Variants in SLC25A29 observed in about 807,000 individuals in gnomAD.
The protein encoded by SLC25A29 is mitochondrial basic amino acids transporter.
A neutral mutation model predicts 10.0 loss-of-function variants in SLC25A29; 13 were observed. The ratio of observed to expected loss-of-function variants is 1.30; its 90% CI spans 0.85 to 2.07. The LOEUF (loss-of-function observed/expected upper bound fraction) is 2.07, where lower values mean the gene tolerates loss of function less well. Ranked by LOEUF, SLC25A29 falls within the 30% of genes most tolerant of loss-of-function variation. The pLI, the probability that SLC25A29 is intolerant of heterozygous loss-of-function variation, is 0.00. For synonymous variants in SLC25A29, 244 were observed against 221.1 expected, an observed-to-expected ratio of 1.10 and a Z score of -0.92; for missense variants, 475 against 447.6, an observed-to-expected ratio of 1.06 and a Z score of -0.55.
chr14:100,283,770 C>T, the SLC25A29 span, among the ~76,000 whole-genome samples: 1 of 152,120 alleles, frequency 6.6e-6, no homozygotes, highest in East Asian at 1.9e-4. Context: ...CGTGAACCAC[C>T]GTGCCTGGCC....
At chr14:100,286,750 A>C (rs370810330), downstream of SLC25A29, among the ~76,000 whole-genome samples, 21 of 152,290 alleles carry the variant, frequency 1.4e-4, no homozygotes, top group African/African-American at 4.3e-4. Flanking sequence ...GGTGTGTAAG[A>C]AGCAGCAAGG....
the SLC25A29 span, chr14:100,281,532 T>C: frequency 6.6e-6 from 1 of 152,336 alleles, no homozygotes. Context: ...TCCTGGCAAG[T>C]GCATTCCACC....
downstream of SLC25A29, among the ~76,000 whole-genome samples, chr14:100,286,478 G>A (rs1165032013): frequency 6.7e-6 from 1 of 149,404 alleles, no homozygotes; most frequent in African/African-American, 2.4e-5. Flanking sequence ...GCTGGGGGGG[G>A]GGGTGTTGCT....
At chr14:100,286,990 C>T (rs1467630255), downstream of SLC25A29, among the ~76,000 whole-genome samples, 1 of 152,254 alleles carries the variant, frequency 6.6e-6, no homozygotes, top group African/African-American at 2.4e-5. Flanking sequence ...CAGCACCGAC[C>T]TTGTATGGCT....
At chr14:100,305,965 G>C (rs1238220908) in intron 1 of SLC25A29, among the ~76,000 whole-genome samples, 1 of 152,156 alleles carries the variant, frequency 6.6e-6, no homozygotes, top group East Asian at 1.9e-4. Context: ...CGGCGCCCCA[G>C]ACCTCCCGTC....
the SLC25A29 span, among the ~76,000 whole-genome samples, chr14:100,285,516 A>G: frequency 6.6e-6 from 1 of 151,150 alleles, no homozygotes; most frequent in Non-Finnish European, 1.5e-5. Flanking sequence ...CCTCGCGGGG[A>G]CCCGAGGCGC....
At chr14:100,302,019 A>G (rs1892590691) in intron 1 of SLC25A29, among the ~76,000 whole-genome samples, 2 of 149,616 alleles carry the variant, frequency 1.3e-5, no homozygotes, top group South Asian at 2.1e-4. Context: ...TGGGGTCTCT[A>G]CTCATCAACT....
rs1036391089 is a variant in SLC25A29, at chr14:100,291,303, C to T, written c.*980G>A. The T allele has an allele frequency of 2.6e-5, 4 of 152,292 alleles. No homozygotes were observed. The allele number at this position is 152,292 out of a possible 1,614,324, so 9.4% of individuals were successfully genotyped here. A position where few individuals can be genotyped will look rare whatever the true frequency, so the allele number is the denominator to read the frequency against. ...CCCTGTGCCTTCACAGGGATGAAGC[C>T]CTGGCACTGAGAATGCCTGGGAGGC... On this transcript the variant is annotated 3_prime_UTR_variant, in exon 4 of 4. Transcript: ENST00000359232.
chr14:100,294,690 G>A (rs1317260159), intron 2 of SLC25A29: 1 of 152,234 alleles, frequency 6.6e-6, no homozygotes, highest in Non-Finnish European at 1.5e-5. Context: ...TAGCAAGGGA[G>A]AGCCCTCACC....
chr14:100,299,816 G>A (rs1892421770), intron 1 of SLC25A29: 1 of 985,260 alleles, frequency 1.0e-6, no homozygotes, highest in Non-Finnish European at 1.2e-6. Flanking sequence ...TCCCTTTACT[G>A]CCAGTAGCGT....
chr14:100,293,221 C>G (rs112194486), intron 3 of SLC25A29, 73 bp downstream of exon 3: 1 of 1,551,766 alleles, frequency 6.4e-7, no homozygotes, highest in South Asian at 1.2e-5. Flanking sequence ...GCTCTCTGGT[C>G]TGGGGTGGTG....
At position 100,292,559 on chromosome 14, in the gene SLC25A29, C is replaced by T; in HGVS notation, c.636G>A (p.Val212=). 1 of 1,601,814 alleles carries T rather than the reference C, an allele frequency of 6.2e-7. No individual in the cohort carries two copies. The highest frequency in any genetic ancestry group is 8.5e-7 in the Non-Finnish European group (1 of 1,175,110). The change falls in exon 4 of 4, where the codon GTG becomes GTA. Residue 212 remains valine (V), a synonymous_variant. Transcript: ENST00000359232. ...VSWLSTYPVD[V]VKSRLQADGL... ...CGTCCGCCTGCAGCCGCGACTTGAC[C>T]ACGTCCACAGGATAGGTAGAGAGCC...
chr14:100,302,170 C>T (rs1203525314), intron 1 of SLC25A29, among the ~76,000 whole-genome samples: 1 of 151,850 alleles, frequency 6.6e-6, no homozygotes, highest in African/African-American at 2.4e-5. Context: ...TTCAGCCTCC[C>T]GAATAGCTGG....
rs1158932834 is a variant in SLC25A29 at position 100,292,423 on chromosome 14, C to T, written c.772G>A (p.Ala258Thr). The T allele has an allele frequency of 3.8e-6, 6 of 1,577,632 alleles. No individual in the cohort carries two copies. Among genetic ancestry groups the T allele is most frequent in the South Asian group, 1.2e-5 (1 of 86,886 alleles). The change falls in exon 4 of 4, where the codon GCC (alanine) becomes ACC (threonine). Residue 258 changes from alanine (A) to threonine (T), a missense_variant. Ala to Thr is a moderately conservative substitution (Grantham distance 58). Transcript: ENST00000359232. ...AAGGTGGCAGCGTTGACGGGGAAGG[C>T]GCGCAGCAGCGTGGACGCCAGCCCC... is the stretch of plus-strand genomic sequence containing the variant. ...TRGLASTLLR[A>T]FPVNAATFAT...
At chr14:100,296,119 G>T in intron 2 of SLC25A29, 1 of 983,324 alleles carries the variant, frequency 1.0e-6, no homozygotes, top group African/African-American at 1.7e-5. Context: ...ATTCAACCAG[G>T]CAAAAGGGAC....
chr14:100,302,335 C>T (rs1892616124), intron 1 of SLC25A29, among the ~76,000 whole-genome samples: 2 of 151,210 alleles, frequency 1.3e-5, no homozygotes, highest in African/African-American at 4.9e-5. Context: ...CTTGAGCCAC[C>T]AAGCTCGGCC....
downstream of SLC25A29, among the ~76,000 whole-genome samples, chr14:100,288,615 G>A (rs1027914811): frequency 8.6e-5 from 5 of 58,172 alleles, no homozygotes; most frequent in Non-Finnish European, 1.6e-4. Flanking sequence ...CTTCCACCTC[G>A]GGACCTTGGC....
chr14:100,293,643 C>T, intron 2 of SLC25A29: 1 of 485,490 alleles, frequency 2.1e-6, no homozygotes, highest in South Asian at 2.3e-5. Flanking sequence ...GGTTAAGCCT[C>T]TTGTTTACAC....
chr14:100,288,762 AT>A (rs768723242), downstream of SLC25A29, among the ~76,000 whole-genome samples: 1 of 152,192 alleles, frequency 6.6e-6, no homozygotes, highest in Non-Finnish European at 1.5e-5. Flanking sequence ...AGCAAAGTTT[AT>A]CCAATGAAAT....
Sources: allele counts gnomAD v4.1 joint callset (sites outside exome capture counted in the v4.1 genomes callset), GRCh38; gene constraint gnomAD v4.1.1; transcripts MANE v1.5; gene names NCBI Gene and HGNC (gene_info 2026-07-23, HGNC 2026-07-21).